The following DOCK10 variants were observed in gnomAD, a reference collection of about 807,000 sequenced individuals.
The protein encoded by DOCK10 is dedicator of cytokinesis protein 10.
DOCK10 carries 145 observed loss-of-function variants against 280.1 expected under a neutral mutation model. That is an observed-to-expected ratio of 0.52 (90% CI 0.45 to 0.59). The LOEUF is 0.59. DOCK10 is among the 20% of genes least tolerant of loss of function. The probability of loss-of-function intolerance (pLI) is 0.00; values close to 1 mark genes in which losing one functional copy is unlikely to be tolerated. For synonymous variants in DOCK10, 915 were observed against 942.2 expected (o/e 0.97, Z 0.53); for missense variants, 2,368 against 2,651.7 (o/e 0.89, Z 2.35).
chr2:224,924,291 C>A (rs183175048), intron 2 of DOCK10, among the ~76,000 whole-genome samples: 1 of 152,162 alleles, frequency 6.6e-6, no homozygotes, highest in Non-Finnish European at 1.5e-5. Flanking sequence ...ACCATTACCA[C>A]GATTTAATTA....
At chr2:225,035,588 A>ATATATT (rs1559987127) in intron 1 of DOCK10, among the ~76,000 whole-genome samples, 2 of 112,990 alleles carry the variant, frequency 1.8e-5, no homozygotes, top group South Asian at 2.6e-4. Context: ...ATATATATAT[A>ATATATT]ACACTGAATC....
chr2:224,779,219 TTTC>T (rs1321919223), intron 50 of DOCK10, among the ~76,000 whole-genome samples: 1 of 130,124 alleles, frequency 7.7e-6, no homozygotes, highest in Non-Finnish European at 1.6e-5. Flanking sequence ...GGATATCTGG[TTTC>T]TTTTTTTTTT....
intron 1 of DOCK10, among the ~76,000 whole-genome samples, chr2:224,943,213 T>C (rs1190253917): frequency 6.6e-6 from 1 of 152,206 alleles, no homozygotes; most frequent in Non-Finnish European, 1.5e-5. Context: ...ATAACACAAC[T>C]TCAGTCTCTC....
intron 1 of DOCK10, among the ~76,000 whole-genome samples, chr2:225,040,690 G>A (rs906680157): frequency 1.3e-5 from 2 of 152,274 alleles, no homozygotes; most frequent in East Asian, 3.9e-4. Context: ...CAGATCCTCA[G>A]TGAGATTCAG....
chr2:224,921,413 A>G (rs1701746317), intron 2 of DOCK10, among the ~76,000 whole-genome samples: 1 of 151,750 alleles, frequency 6.6e-6, no homozygotes, highest in African/African-American at 2.4e-5. Context: ...TGGGTTCCCC[A>G]TAACAGTAAT....
chr2:225,011,376 C>T (rs969605275), intron 1 of DOCK10, among the ~76,000 whole-genome samples: 6 of 152,032 alleles, frequency 3.9e-5, no homozygotes, highest in African/African-American at 1.5e-4. Flanking sequence ...TGACTCTTTC[C>T]ATAGCCAGAG....
At chr2:224,981,386 G>C (rs527296962) in intron 1 of DOCK10, among the ~76,000 whole-genome samples, 2 of 152,170 alleles carry the variant, frequency 1.3e-5, no homozygotes, top group African/African-American at 4.8e-5. Context: ...CTACATCCTT[G>C]ATATCTCAAC....
chr2:224,997,258 G>A (rs1575156229), intron 1 of DOCK10, among the ~76,000 whole-genome samples: 2 of 140,252 alleles, frequency 1.4e-5, no homozygotes, highest in South Asian at 4.5e-4. Flanking sequence ...TTCTTTCGGA[G>A]TCTCACTCTG....
chr2:224,999,095 G>A (rs914349173), intron 1 of DOCK10, among the ~76,000 whole-genome samples: 5 of 152,178 alleles, frequency 3.3e-5, no homozygotes, highest in African/African-American at 1.2e-4. Context: ...GCTGAGGCAG[G>A]AGAATCTCTT....
intron 18 of DOCK10, among the ~76,000 whole-genome samples, chr2:224,852,066 C>T (rs1475175277): frequency 1.3e-5 from 2 of 152,194 alleles, no homozygotes; most frequent in African/African-American, 2.4e-5. Flanking sequence ...AAATCAAGCA[C>T]GCCGAATCGA....
chr2:224,856,392 A>G (rs913458694), intron 15 of DOCK10, among the ~76,000 whole-genome samples: 1 of 152,144 alleles, frequency 6.6e-6, no homozygotes, highest in Non-Finnish European at 1.5e-5. Context: ...ACTGGCAAAA[A>G]GTAAAGAGGA....
rs749148296 is a variant in DOCK10 at position 224,865,834 on chromosome 2, TTC to T, written c.1258-749_1258-748del. On this transcript the variant is annotated intron_variant, in intron 11 of 55. Transcript: ENST00000258390. ...CCAGATTCAACTGTTAACCTCCTGT[TTC>T]TCTCTCTCTCTCTCTCTCTCACACA... Among the ~76,000 whole-genome samples the T allele has an allele frequency of 2.1e-3, 300 of 143,288 alleles. 3 individuals carry two copies. The highest frequency in any genetic ancestry group is 9.4e-3 in the East Asian group (47 of 4,988). 94.0% of individuals were successfully genotyped at this position (143,288 alleles called of 152,430 possible). A position where few individuals can be genotyped will look rare whatever the true frequency, so the allele number is the denominator to read the frequency against.
chr2:224,862,373 T>G (rs1261222183), intron 14 of DOCK10: 1 of 250,994 alleles, frequency 4.0e-6, no homozygotes, highest in Non-Finnish European at 7.7e-6. Context: ...CAAATATACA[T>G]AATAAACAAT....
intron 1 of DOCK10, among the ~76,000 whole-genome samples, chr2:224,969,214 C>T (rs1270421343): frequency 6.6e-6 from 1 of 152,176 alleles, no homozygotes; most frequent in African/African-American, 2.4e-5. Flanking sequence ...CTTTTTAACT[C>T]ACTCAGTGAT....
chr2:224,787,260 GGT>G lies in DOCK10; in HGVS notation c.5541+13_5541+14del. Reference sequence around the variant, plus strand: ...AGGATATTTTAATTAACTTCTAGGGGGTTGGAATACATACTTTGAAGTCTCGT... The same window carrying G: ...AGGATATTTTAATTAACTTCTAGGGGTGGAATACATACTTTGAAGTCTCGT... On this transcript the variant is annotated intron_variant, in intron 49 of 55. Coordinates refer to ENST00000258390, the MANE Select transcript of DOCK10 (RefSeq NM_014689.3). 1 of 1,613,814 alleles carries G rather than the reference GGT, an allele frequency of 6.2e-7. No homozygotes were observed. Among genetic ancestry groups the G allele is most frequent in the African/African-American group, 1.3e-5 (1 of 75,012 alleles).
intron 19 of DOCK10, among the ~76,000 whole-genome samples, chr2:224,848,207 AC>A (rs2125516407): frequency 6.6e-6 from 1 of 152,298 alleles, no homozygotes; most frequent in South Asian, 2.1e-4. Flanking sequence ...ACTTCGTACC[AC>A]CAAAACAGCA....
chr2:224,845,663 G>T, intron 19 of DOCK10, 21 bp from the exon 20 acceptor site: 1 of 1,596,736 alleles, frequency 6.3e-7, no homozygotes, highest in Non-Finnish European at 8.5e-7. Flanking sequence ...AGAAACCATA[G>T]TTGGACTGAG....
chr2:224,787,975 A>G (rs953338415), intron 48 of DOCK10, among the ~76,000 whole-genome samples: 1 of 152,168 alleles, frequency 6.6e-6, no homozygotes, highest in Non-Finnish European at 1.5e-5. Context: ...TATCTGTGTT[A>G]TAGATGCACC....
At chr2:224,792,211 T>C (rs1415722146) in intron 47 of DOCK10, among the ~76,000 whole-genome samples, 1 of 152,220 alleles carries the variant, frequency 6.6e-6, no homozygotes, top group Non-Finnish European at 1.5e-5. Context: ...TTTATACTTT[T>C]TAAAAATGAA....
Sources: gnomAD v4.1 joint callset for allele counts (sites outside exome capture counted in the v4.1 genomes callset) on GRCh38, gnomAD v4.1.1 for gene constraint, MANE v1.5 for transcripts, NCBI Gene and HGNC (gene_info 2026-07-23, HGNC 2026-07-21) for gene names.